TBX22: variants seen among roughly 807,000 people sequenced by gnomAD.
TBX22 encodes the protein T-box transcription factor TBX22.
Under a neutral mutation model 30.1 loss-of-function variants are expected in TBX22, and 8 were observed. That is an observed-to-expected ratio of 0.27 (90% confidence interval 0.16 to 0.48). The LOEUF is 0.48. Among genes scored for constraint, TBX22 ranks in the 20% least tolerant of loss-of-function variants. The pLI is 0.99. For synonymous variants in TBX22, 173 were observed against 149.1 expected, an observed-to-expected ratio of 1.16 and a Z score of -1.17; for missense variants, 463 against 400.5, an observed-to-expected ratio of 1.16 and a Z score of -1.33.
intron 1 of TBX22, among the ~76,000 whole-genome samples, chrX:80,018,455 A>G (rs1923543528): frequency 1.8e-5 from 2 of 112,007 alleles, no homozygotes; most frequent in Non-Finnish European, 3.8e-5. Flanking sequence ...TTAAAAAAAA[A>G]GGTGGCTTTC....
chrX:80,030,575 T>G lies in TBX22; in HGVS notation c.1027T>G (p.Cys343Gly). 1 of 1,211,772 alleles carries G rather than the reference T, an allele frequency of 8.3e-7. No individual in the cohort carries two copies. ...TTTGAACTCCTTACTTTCTCCACTT[T>G]GCTTTTCACCTATGTTTCATTTACC... Reference protein sequence around the residue: ...SPLNSLLSPLCFSPMFHLPTS... With the variant: ...SPLNSLLSPLGFSPMFHLPTS... Residue 343 changes from cysteine (C) to glycine (G), a missense_variant, in exon 9 of 9, where the codon TGC becomes GGC. Cys to Gly is a radical substitution (Grantham distance 159). Coordinates refer to ENST00000373296, the MANE Select transcript of TBX22 (RefSeq NM_001109878.2).
intron 1 of TBX22, among the ~76,000 whole-genome samples, chrX:80,015,630 A>G (rs1340034800): frequency 8.9e-6 from 1 of 111,814 alleles, no homozygotes; most frequent in Non-Finnish European, 1.9e-5. Flanking sequence ...TTGTAACACA[A>G]ACACACAAGC....
chrX:80,028,635 A>G (rs1924094819), intron 8 of TBX22, among the ~76,000 whole-genome samples: 1 of 112,396 alleles, frequency 8.9e-6, no homozygotes, highest in African/African-American at 3.2e-5. Context: ...GGTACATTAC[A>G]TGACAAAATA....
chrX:80,021,803 G>A (rs1197477148), intron 1 of TBX22, among the ~76,000 whole-genome samples: 1 of 111,886 alleles, frequency 8.9e-6, no homozygotes, highest in Non-Finnish European at 1.9e-5. Context: ...CCCAATCCGA[G>A]CAACCTGAGC....
chrX:80,020,104 T>G lies in TBX22; in HGVS notation c.-2-2164T>G, dbSNP rs368995871. On this transcript the variant is annotated intron_variant, in intron 1 of 8. Transcript: ENST00000373296. ...TTTCTATACAAGGTAACGTCCTGCC[T>G]TTTAACAATAAATTGAGCTAAGGTT... Among the ~76,000 whole-genome samples, 147 of 111,614 alleles carry G rather than the reference T, an allele frequency of 1.3e-3. 1 individual carries two copies. Among genetic ancestry groups the G allele is most frequent in the East Asian group, 9.3e-3 (33 of 3,547 alleles).
At chrX:80,023,746 CT>C (rs1312878457) in intron 3 of TBX22, among the ~76,000 whole-genome samples, 2 of 111,725 alleles carry the variant, frequency 1.8e-5, no homozygotes, top group African/African-American at 3.3e-5. Flanking sequence ...AGAAAGTACC[CT>C]TGAAAAGGAG....
chrX:80,024,245 T>C (rs941192677), intron 4 of TBX22, 81 bp downstream of exon 4: 5 of 916,685 alleles, frequency 5.5e-6, no homozygotes, highest in Non-Finnish European at 7.9e-6. Flanking sequence ...CCTGACAGCA[T>C]GACTTTGAAA....
chrX:80,014,765 G>C lies in TBX22; in HGVS notation c.-125G>C, dbSNP rs1033267129. The C allele has an allele frequency of 8.9e-6, 1 of 112,275 alleles. No individual in the cohort carries two copies. The highest frequency in any genetic ancestry group is 1.9e-5 in the Non-Finnish European group (1 of 53,249). The allele number at this position is 112,275 out of a possible 1,213,427, so 9.3% of individuals were successfully genotyped here. ...CTGGCTCTAGGCCACTCTTCTCTGG[G>C]CTCTTGAGAAGAGCTGCTGCAGGCA... On this transcript the variant is annotated 5_prime_UTR_variant, in exon 1 of 9. Transcript: ENST00000373296.
intron 1 of TBX22, among the ~76,000 whole-genome samples, 189 bp from the exon 2 acceptor site, chrX:80,022,079 T>C (rs1569297409): frequency 9.1e-6 from 1 of 109,576 alleles, no homozygotes; most frequent in Non-Finnish European, 1.9e-5. Context: ...ATTATTTTCT[T>C]TGAATACAGA....
chrX:80,017,383 C>T (rs1057457356), intron 1 of TBX22, among the ~76,000 whole-genome samples: 1 of 109,075 alleles, frequency 9.2e-6, no homozygotes, highest in Non-Finnish European at 1.9e-5. Context: ...AGGATGATCT[C>T]GAACTCCTGG....
At chrX:80,023,308 G>A in intron 3 of TBX22, 68 bp downstream of exon 3, 1 of 1,034,019 alleles carries the variant, frequency 9.7e-7, no homozygotes. Context: ...GCTCTGGTAA[G>A]ATGAGGACTC....
intron 1 of TBX22, among the ~76,000 whole-genome samples, chrX:80,017,280 T>TTGTGTGTGTGTG (rs3048747): frequency 1.9e-3 from 182 of 93,951 alleles, no homozygotes; most frequent in African/African-American, 7.1e-3. Flanking sequence ...GGTGTTGTTT[T>TTGTGTGTGTGTG]TGTGTGTGTG....
chrX:80,023,841 G>C (rs1466872801), intron 3 of TBX22, among the ~76,000 whole-genome samples: 1 of 111,870 alleles, frequency 8.9e-6, no homozygotes, highest in Non-Finnish European at 1.9e-5. Flanking sequence ...AAGCCTTGTG[G>C]TAATAATATT....
intron 8 of TBX22, among the ~76,000 whole-genome samples, chrX:80,029,561 A>G (rs1364903261): frequency 8.9e-6 from 1 of 112,185 alleles, no homozygotes; most frequent in Non-Finnish European, 1.9e-5. Context: ...TTTTAAATAT[A>G]TTGCTTTCAT....
At position 80,030,715 on chromosome X, in the gene TBX22, G is replaced by T; in HGVS notation, c.1167G>T (p.Pro389=). ...NFWQQQPLVL[P]APERLASSNS... ...GGCAACAGCAACCTCTTGTTTTACC[G>T]GCTCCTGAAAGACTAGCAAGCAGCA... The change falls in exon 9 of 9, where the codon CCG becomes CCT. Residue 389 remains proline (P), a synonymous_variant. Transcript: ENST00000373296. 8.3e-7 allele frequency: 1 copy of T among 1,211,563 alleles called. No individual in the cohort carries two copies. Among genetic ancestry groups the T allele is most frequent in the Non-Finnish European group, 1.1e-6 (1 of 895,437 alleles).
At chrX:80,025,125 GT>G (rs1334661425) in intron 4 of TBX22, among the ~76,000 whole-genome samples, 1 of 112,099 alleles carries the variant, frequency 8.9e-6, no homozygotes, top group Non-Finnish European at 1.9e-5. Context: ...ATTGGAAATA[GT>G]GTGAAAATCG....
intron 8 of TBX22, among the ~76,000 whole-genome samples, chrX:80,028,636 T>C (rs1258002554): frequency 8.9e-6 from 1 of 112,296 alleles, no homozygotes. Context: ...GTACATTACA[T>C]GACAAAATAA....
intron 1 of TBX22, among the ~76,000 whole-genome samples, chrX:80,019,311 C>CA (rs770819197): frequency 0.014 from 1,400 of 99,523 alleles, 26 homozygotes; most frequent in African/African-American, 0.046. Context: ...CAAGTAATGA[C>CA]AAAAAAAAAA....
chrX:80,016,223 G>A (rs1923428800), intron 1 of TBX22, among the ~76,000 whole-genome samples: 1 of 112,416 alleles, frequency 8.9e-6, no homozygotes, highest in African/African-American at 3.2e-5. Flanking sequence ...AAGTTAAGAA[G>A]AGGAAAATAT....
Sources: allele counts gnomAD v4.1 joint callset (sites outside exome capture counted in the v4.1 genomes callset), GRCh38; gene constraint gnomAD v4.1.1; transcripts MANE v1.5; gene names NCBI Gene and HGNC (gene_info 2026-07-23, HGNC 2026-07-21).